CRISPLD2: variants seen among roughly 807,000 people sequenced by gnomAD.
CRISPLD2 encodes cysteine rich secretory protein LCCL domain containing 2.
Under a neutral mutation model 71.1 loss-of-function variants are expected in CRISPLD2, and 47 were observed. The observed-to-expected ratio is 0.66, with a 90% CI of 0.52 to 0.84. The LOEUF is 0.84. Among genes scored for constraint, CRISPLD2 ranks in the 40% least tolerant of loss-of-function variants. The pLI is 0.00. For missense variants in CRISPLD2, 830 were observed against 651.1 expected (o/e 1.27, Z -2.99); for synonymous variants, 317 against 250.1 (o/e 1.27, Z -2.52).
chr16:84,897,043 G>T (rs766835439), intron 14 of CRISPLD2, among the ~76,000 whole-genome samples: 36 of 152,202 alleles, frequency 2.4e-4, no homozygotes, highest in Non-Finnish European at 4.7e-4. Context: ...GGGGGATGCA[G>T]CCCCACGTGC....
At chr16:84,877,102 T>C (rs145010869) in intron 11 of CRISPLD2, among the ~76,000 whole-genome samples, 8 of 152,042 alleles carry the variant, frequency 5.3e-5, no homozygotes, top group African/African-American at 1.9e-4. Context: ...CTACTTAGAG[T>C]AACACCTGCT....
intron 2 of CRISPLD2, among the ~76,000 whole-genome samples, chr16:84,840,328 A>G (rs1463532130): frequency 6.6e-6 from 1 of 152,210 alleles, no homozygotes; most frequent in African/African-American, 2.4e-5. Context: ...CCTGGAAAAT[A>G]GAAAGTATTA....
At chr16:84,888,375 A>T (rs1769087041) in intron 13 of CRISPLD2, among the ~76,000 whole-genome samples, 1 of 152,166 alleles carries the variant, frequency 6.6e-6, no homozygotes, top group South Asian at 2.1e-4. Context: ...CCCTACAAAT[A>T]ATTTTTAAAA....
intron 4 of CRISPLD2, among the ~76,000 whole-genome samples, chr16:84,850,290 C>CCAG (rs1917049195): frequency 6.6e-6 from 1 of 152,006 alleles, no homozygotes; most frequent in South Asian, 2.1e-4. Context: ...GGGGTTTCAC[C>CCAG]ATGTTGGTCA....
intron 1 of CRISPLD2, among the ~76,000 whole-genome samples, chr16:84,837,559 GGCGCGTGACACCAC>G (rs370910839): frequency 0.066 from 10,112 of 152,162 alleles, 359 homozygotes; most frequent in Middle Eastern, 0.12. Context: ...TGGGACTACA[GGCGCGTGACACCAC>G]GCCCGGGTAA....
chr16:84,839,409 G>A (rs752585422), intron 2 of CRISPLD2: 4 of 175,180 alleles, frequency 2.3e-5, no homozygotes, highest in Non-Finnish European at 3.7e-5. Flanking sequence ...TCCTTAGCCC[G>A]TGTGAGCCTC....
chr16:84,822,592 C>A (rs939868395), intron 1 of CRISPLD2, among the ~76,000 whole-genome samples: 1 of 152,174 alleles, frequency 6.6e-6, no homozygotes, highest in Non-Finnish European at 1.5e-5. Context: ...GGTTTTTGAT[C>A]AGTCCCAGAT....
chr16:84,874,015 T>A (rs748789314), intron 11 of CRISPLD2, 52 bp downstream of exon 11: 1 of 1,492,844 alleles, frequency 6.7e-7, no homozygotes, highest in Non-Finnish European at 9.1e-7. Context: ...ATCTCAGATT[T>A]TCCTGGAAAT....
intron 5 of CRISPLD2, among the ~76,000 whole-genome samples, chr16:84,853,431 T>C (rs1441184337): frequency 6.6e-6 from 1 of 152,154 alleles, no homozygotes; most frequent in Non-Finnish European, 1.5e-5. Flanking sequence ...GCCTCCGGAA[T>C]GTGAGAGGGT....
chr16:84,882,503 C>G (rs1411886421), intron 13 of CRISPLD2, among the ~76,000 whole-genome samples: 1 of 152,098 alleles, frequency 6.6e-6, no homozygotes, highest in Non-Finnish European at 1.5e-5. Context: ...CTCCCAGGTT[C>G]AAGAGATTCT....
At chr16:84,875,460 T>A (rs2143297816) in intron 11 of CRISPLD2, among the ~76,000 whole-genome samples, 1 of 143,836 alleles carries the variant, frequency 7.0e-6, no homozygotes, top group African/African-American at 2.6e-5. Context: ...CTATCATTAG[T>A]GTTAGTATAT....
intron 2 of CRISPLD2, 44 bp downstream of exon 2, chr16:84,838,779 G>C: frequency 6.3e-7 from 1 of 1,577,074 alleles, no homozygotes; most frequent in East Asian, 2.3e-5. Context: ...CGGGGGTGGG[G>C]CCTGGGCCAC....
rs1338479168 is a variant in CRISPLD2, at chr16:84,845,694, C to G, written c.241-92C>G. ...AGCAGAGCATTGGCTGTAGGCTCCA[C>G]AGGAGCCCAGGCTGGGGCGTTGCTG... On this transcript the variant is annotated intron_variant, in intron 2 of 14. Coordinates refer to ENST00000262424, the MANE Select transcript of CRISPLD2 (RefSeq NM_031476.4). The G allele has an allele frequency of 5.8e-6, 5 of 859,174 alleles. No homozygotes were observed. The East Asian group carries it at 9.9e-5, about 17-fold the overall frequency. 53.2% of individuals were successfully genotyped at this position (859,174 alleles called of 1,614,324 possible).
At chr16:84,864,029 C>T (rs112618546) in intron 6 of CRISPLD2, among the ~76,000 whole-genome samples, 6 of 151,696 alleles carry the variant, frequency 4.0e-5, no homozygotes, top group Middle Eastern at 3.4e-3. Context: ...AAATGCATGC[C>T]GGGGAGGGCC....
intron 1 of CRISPLD2, among the ~76,000 whole-genome samples, chr16:84,825,093 C>T (rs750327378): frequency 1.3e-5 from 2 of 151,954 alleles, no homozygotes; most frequent in Non-Finnish European, 1.5e-5. Flanking sequence ...GGTGACGGAG[C>T]GAGATGCCAT....
intron 6 of CRISPLD2, among the ~76,000 whole-genome samples, chr16:84,861,880 T>C (rs1256818943): frequency 6.6e-6 from 1 of 152,120 alleles, no homozygotes; most frequent in Non-Finnish European, 1.5e-5. Flanking sequence ...CAGTAAGCCA[T>C]GATGGCGCCA....
At position 84,854,599 on chromosome 16, in the gene CRISPLD2, C is replaced by T. The variant is rs1332439780; in HGVS notation, c.609-130C>T. The T allele has an allele frequency of 8.6e-6, 6 of 698,366 alleles. No individual in the cohort carries two copies. In the South Asian group the frequency reaches 1.0e-4, roughly 12 times the overall value. 43.3% of individuals were successfully genotyped at this position (698,366 alleles called of 1,614,324 possible). ...GGATAGCCATCTTTCCCGCTTCCCA[C>T]AGCACACAACCTTCCCCCCTGACCT... is the stretch of plus-strand genomic sequence containing the variant. On this transcript the variant is annotated intron_variant, in intron 5 of 14. Coordinates refer to ENST00000262424, the MANE Select transcript of CRISPLD2 (RefSeq NM_031476.4).
At chr16:84,896,754 C>T (rs991428373) in intron 14 of CRISPLD2, among the ~76,000 whole-genome samples, 1 of 152,112 alleles carries the variant, frequency 6.6e-6, no homozygotes. Context: ...TGTCCACAGT[C>T]ATGTATGTAC....
At chr16:84,853,979 C>G (rs1917161688) in intron 5 of CRISPLD2, among the ~76,000 whole-genome samples, 1 of 152,228 alleles carries the variant, frequency 6.6e-6, no homozygotes, top group Non-Finnish European at 1.5e-5. Context: ...TCTACCTGGC[C>G]CCTGGAGAAA....
Sources: gnomAD v4.1 joint callset for allele counts (sites outside exome capture counted in the v4.1 genomes callset) on GRCh38, gnomAD v4.1.1 for gene constraint, MANE v1.5 for transcripts, NCBI Gene and HGNC (gene_info 2026-07-23, HGNC 2026-07-21) for gene names.